Variants in EIF4E2 observed in about 807,000 individuals in gnomAD.
EIF4E2 encodes eukaryotic translation initiation factor 4E type 2.
A neutral mutation model predicts 34.2 loss-of-function variants in EIF4E2; 13 were observed. The ratio of observed to expected loss-of-function variants is 0.38; its 90% confidence interval spans 0.25 to 0.60. The LOEUF (loss-of-function observed/expected upper bound fraction) is 0.60. Among genes scored for constraint, EIF4E2 ranks in the 20% least tolerant of loss-of-function variants. The pLI is 0.62. For missense variants in EIF4E2, 222 were observed against 315.1 expected, an observed-to-expected ratio of 0.70 and a Z score of 2.24; for synonymous variants, 100 against 106.6, an observed-to-expected ratio of 0.94 and a Z score of 0.38.
chr2:232,579,123 TACACACAC>T (rs71056276), intron 6 of EIF4E2, among the ~76,000 whole-genome samples: 46,527 of 146,440 alleles, frequency 0.32, 7,793 homozygotes, highest in South Asian at 0.47. Context: ...AACTCAGAAA[TACACACAC>T]ACACACACAC....
chr2:232,579,122 A>T (rs933638213), intron 6 of EIF4E2, among the ~76,000 whole-genome samples: 4 of 69,850 alleles, frequency 5.7e-5, no homozygotes, highest in African/African-American at 2.5e-4. Flanking sequence ...GAACTCAGAA[A>T]TACACACACA....
intron 3 of EIF4E2, among the ~76,000 whole-genome samples, chr2:232,560,395 T>C (rs1182756042): frequency 6.6e-6 from 1 of 152,218 alleles, no homozygotes; most frequent in East Asian, 1.9e-4. Context: ...ATTATAAAAT[T>C]CTTAGAAGAA....
downstream of EIF4E2, among the ~76,000 whole-genome samples, chr2:232,573,471 C>A (rs958898669): frequency 2.0e-5 from 3 of 152,108 alleles, no homozygotes; most frequent in Non-Finnish European, 2.9e-5. Context: ...GTTTGAGCCT[C>A]CAGAAGCATA....
Position 232,566,348 on chromosome 2 carries a change from G to A in EIF4E2, c.376-481G>A, listed in dbSNP as rs1202439924. ...ACTACAGGCGCCCACCACCATGCCC[G>A]GCTAATTTTGTTTTTGTATTTTTAG... On this transcript the variant is annotated intron_variant, in intron 4 of 6. Coordinates refer to ENST00000258416, the MANE Select transcript of EIF4E2 (RefSeq NM_004846.4). The surrounding 1 kb of genome is among the most constrained non-coding windows in gnomAD (Gnocchi z 4.9). Among the ~76,000 whole-genome samples, 4 of 151,996 alleles carry A rather than the reference G, an allele frequency of 2.6e-5. No individual in the cohort carries two copies. The highest frequency in any genetic ancestry group is 4.8e-5 in the African/African-American group (2 of 41,394).
In EIF4E2 at chr2:232,566,586, A is replaced by G. The variant is rs556343776; in HGVS notation, c.376-243A>G. Reference sequence around the variant, plus strand: ...TAAAGTATTTCCAGTAAAGGGGATTATTTTTAAAAGGTCTGTTTAGCCATT... The same window carrying G: ...TAAAGTATTTCCAGTAAAGGGGATTGTTTTTAAAAGGTCTGTTTAGCCATT... On this transcript the variant is annotated intron_variant, in intron 4 of 6. Coordinates refer to ENST00000258416, the MANE Select transcript of EIF4E2 (RefSeq NM_004846.4). The surrounding 1 kb of genome is among the most constrained non-coding windows in gnomAD (Gnocchi z 4.9). Among the ~76,000 whole-genome samples, 20 of 152,352 alleles carry G rather than the reference A, an allele frequency of 1.3e-4. No homozygotes were observed. The highest frequency in any genetic ancestry group is 2.6e-4 in the Non-Finnish European group (18 of 68,020).
At chr2:232,562,004 C>G (rs949464568) in intron 3 of EIF4E2, among the ~76,000 whole-genome samples, 2 of 152,010 alleles carry the variant, frequency 1.3e-5, no homozygotes, top group Non-Finnish European at 2.9e-5. Context: ...CACTTGAATC[C>G]AGGACTTCAA....
At chr2:232,574,825 G>T (rs1206249260) in intron 6 of EIF4E2, among the ~76,000 whole-genome samples, 1 of 152,298 alleles carries the variant, frequency 6.6e-6, no homozygotes, top group East Asian at 1.9e-4. Flanking sequence ...GTCAGTAACG[G>T]GGCTGGATTT....
chr2:232,565,005 G>C (rs1315955988), intron 4 of EIF4E2, among the ~76,000 whole-genome samples: 2 of 152,114 alleles, frequency 1.3e-5, no homozygotes, highest in African/African-American at 4.8e-5. Flanking sequence ...GATTAAAGTG[G>C]GTAAGAAAAT....
At chr2:232,559,227 A>C (rs1364226703) in intron 3 of EIF4E2, among the ~76,000 whole-genome samples, 1 of 143,272 alleles carries the variant, frequency 7.0e-6, no homozygotes, top group African/African-American at 2.7e-5. Context: ...TATAAAAAAA[A>C]AAAAAAGAAT....
chr2:232,570,829 G>A (rs372664974), downstream of EIF4E2, among the ~76,000 whole-genome samples: 2 of 152,190 alleles, frequency 1.3e-5, no homozygotes, highest in African/African-American at 2.4e-5. Context: ...TCAGCTGCTC[G>A]GGGAGGCTGA....
chr2:232,556,612 C>A, intron 2 of EIF4E2, 82 bp downstream of exon 2: 1 of 1,016,740 alleles, frequency 9.8e-7, no homozygotes, highest in Non-Finnish European at 1.5e-6. Context: ...CTGGAAGATA[C>A]CAGATTAACT....
intron 1 of EIF4E2, 85 bp downstream of exon 1, chr2:232,550,829 C>A: frequency 1.6e-6 from 2 of 1,287,046 alleles, no homozygotes; most frequent in Non-Finnish European, 1.1e-6. Context: ...GCGGCGCAAA[C>A]CCTGCGGCAC....
intron 1 of EIF4E2, among the ~76,000 whole-genome samples, chr2:232,551,949 CCCTCTACGAA>C (rs1273459915): frequency 6.6e-6 from 1 of 152,130 alleles, no homozygotes; most frequent in African/African-American, 2.4e-5. Context: ...CTGAGCCTGT[CCCTCTACGAA>C]CCTCTCCCCC....
Position 232,579,123 on chromosome 2 carries a change from T to TACACACACAC in EIF4E2, c.666-1746_666-1737dup, listed in dbSNP as rs71056276. ...TATTTTCCCTAAGAGAACTCAGAAATACACACACACACACACACACACACA... is the reference window on the plus strand; with the variant it reads ...TATTTTCCCTAAGAGAACTCAGAAATACACACACACACACACACACACACACACACACACA... On this transcript the variant is annotated intron_variant, in intron 6 of 6. Coordinates refer to the EIF4E2 transcript ENST00000409098. Among the ~76,000 whole-genome samples, 590 of 146,626 alleles carry TACACACACAC rather than the reference T, an allele frequency of 4.0e-3. 2 individuals carry two copies. Among genetic ancestry groups the TACACACACAC allele is most frequent in the Non-Finnish European group, 6.0e-3 (400 of 66,324 alleles).
chr2:232,578,334 AT>A (rs2106257595), intron 6 of EIF4E2, among the ~76,000 whole-genome samples: 1 of 152,310 alleles, frequency 6.6e-6, no homozygotes, highest in East Asian at 1.9e-4. Context: ...TAACAAAAAT[AT>A]TAAGTATCTG....
At chr2:232,575,608 T>G (rs945368676) in intron 6 of EIF4E2, among the ~76,000 whole-genome samples, 2 of 152,178 alleles carry the variant, frequency 1.3e-5, no homozygotes, top group Non-Finnish European at 2.9e-5. Flanking sequence ...AATATATGTC[T>G]GTGTATGTGT....
At chr2:232,562,228 A>G (rs1399448527) in intron 3 of EIF4E2, among the ~76,000 whole-genome samples, 1 of 152,070 alleles carries the variant, frequency 6.6e-6, no homozygotes, top group Non-Finnish European at 1.5e-5. Context: ...TGATGAATGA[A>G]TGAATGAATG....
intron 6 of EIF4E2, chr2:232,567,791 G>A (rs919516726): frequency 3.1e-5 from 31 of 985,920 alleles, no homozygotes; most frequent in Non-Finnish European, 3.6e-5. Flanking sequence ...AGGACTCAGG[G>A]AAATAGAGCT....
chr2:232,557,810 C>T (rs1417318326), intron 2 of EIF4E2, 74 bp from the exon 3 acceptor site: 6 of 1,529,100 alleles, frequency 3.9e-6, no homozygotes, highest in Admixed American at 1.8e-5. Flanking sequence ...TAAGGATTGA[C>T]ACTGCAAAAT....
Sources: allele counts gnomAD v4.1 joint callset (sites outside exome capture counted in the v4.1 genomes callset), GRCh38; gene constraint gnomAD v4.1.1; non-coding constraint Gnocchi (gnomAD v3.1); transcripts MANE v1.5; gene names NCBI Gene and HGNC (gene_info 2026-07-23, HGNC 2026-07-21).